GALNT13: variants seen among roughly 807,000 people sequenced by gnomAD.
GALNT13 encodes the protein UDP-GalNAc:polypeptide N-acetylgalactosaminyltransferase 13.
Under a neutral mutation model 64.2 loss-of-function variants are expected in GALNT13, and 28 were observed. That is an observed-to-expected ratio of 0.44 (90% CI 0.32 to 0.60). The LOEUF is 0.60. Ranked by LOEUF, GALNT13 falls within the 20% of genes least tolerant of loss-of-function variation. GALNT13 has a pLI of 0.05. For missense variants in GALNT13, 577 were observed against 669.8 expected (o/e 0.86, Z 1.53); for synonymous variants, 214 against 224.6 (o/e 0.95, Z 0.42).
At chr2:153,414,298 C>T in the GALNT13 span, among the ~76,000 whole-genome samples, 54 of 151,800 alleles carry the variant, frequency 3.6e-4, 1 homozygote, top group African/African-American at 1.2e-3. Context: ...TTGCTTGAAG[C>T]TGGGAGGTGG....
At chr2:153,668,897 C>A in the GALNT13 span, among the ~76,000 whole-genome samples, 3 of 152,152 alleles carry the variant, frequency 2.0e-5, no homozygotes, top group Non-Finnish European at 2.9e-5. Flanking sequence ...ACCTATCCAC[C>A]AAGTCTCACC....
chr2:154,022,755 T>C (rs908780173), intron 3 of GALNT13, among the ~76,000 whole-genome samples: 2 of 152,184 alleles, frequency 1.3e-5, no homozygotes, highest in South Asian at 2.1e-4. Flanking sequence ...ATGTGTTTGC[T>C]CTTGCTTTTC....
the GALNT13 span, among the ~76,000 whole-genome samples, chr2:153,712,790 T>C: frequency 4.6e-5 from 7 of 152,338 alleles, no homozygotes; most frequent in East Asian, 1.9e-4. Flanking sequence ...AAAGCCATCA[T>C]TGGAGCAGGT....
intron 4 of GALNT13, among the ~76,000 whole-genome samples, chr2:154,222,168 A>G (rs1274826277): frequency 1.3e-5 from 2 of 152,104 alleles, no homozygotes; most frequent in Non-Finnish European, 2.9e-5. Context: ...CACTCTCCTT[A>G]GGAAAGAAAG....
At chr2:153,979,070 G>A (rs1008972084) in intron 3 of GALNT13, among the ~76,000 whole-genome samples, 4 of 151,972 alleles carry the variant, frequency 2.6e-5, no homozygotes, top group Admixed American at 1.3e-4. Context: ...TAATATATAA[G>A]AAACACTCTG....
intron 3 of GALNT13, among the ~76,000 whole-genome samples, chr2:153,958,484 C>T (rs952433168): frequency 6.6e-6 from 1 of 152,140 alleles, no homozygotes; most frequent in Non-Finnish European, 1.5e-5. Flanking sequence ...CACTTTGTGT[C>T]GAACGCAAAT....
At chr2:154,218,273 G>T (rs1688148971) in intron 4 of GALNT13, among the ~76,000 whole-genome samples, 1 of 152,004 alleles carries the variant, frequency 6.6e-6, no homozygotes, top group Non-Finnish European at 1.5e-5. Context: ...ATATATCCTA[G>T]AATCAGCCTT....
chr2:153,926,920 A>G (rs1690179533), intron 2 of GALNT13, among the ~76,000 whole-genome samples: 1 of 152,168 alleles, frequency 6.6e-6, no homozygotes, highest in Admixed American at 6.6e-5. Context: ...GAGAAGCACA[A>G]TGAAAATTCC....
chr2:154,073,825 C>T (rs553734649), intron 3 of GALNT13, among the ~76,000 whole-genome samples: 1 of 151,824 alleles, frequency 6.6e-6, no homozygotes, highest in South Asian at 2.1e-4. Flanking sequence ...GAATACTATT[C>T]CAATTTCTAA....
the GALNT13 span, among the ~76,000 whole-genome samples, chr2:153,320,190 ACTTTT>A: frequency 6.6e-6 from 1 of 152,114 alleles, no homozygotes; most frequent in Non-Finnish European, 1.5e-5. Context: ...AAAAAGTGAC[ACTTTT>A]CTTTACGTAG....
At chr2:153,231,967 T>A in the GALNT13 span, among the ~76,000 whole-genome samples, 1 of 152,142 alleles carries the variant, frequency 6.6e-6, no homozygotes, top group Non-Finnish European at 1.5e-5. Context: ...GCCTTCTTAT[T>A]TTTTGTGGTG....
At chr2:154,213,455 GA>G (rs1319677466) in intron 4 of GALNT13, among the ~76,000 whole-genome samples, 1 of 152,102 alleles carries the variant, frequency 6.6e-6, no homozygotes, top group African/African-American at 2.4e-5. Flanking sequence ...CAGACTAATG[GA>G]AAGCAGATTG....
At chr2:153,594,762 T>C in the GALNT13 span, among the ~76,000 whole-genome samples, 1 of 152,144 alleles carries the variant, frequency 6.6e-6, no homozygotes, top group Non-Finnish European at 1.5e-5. Flanking sequence ...GTAAACACAA[T>C]AGTTTTACAA....
the GALNT13 span, among the ~76,000 whole-genome samples, chr2:153,086,154 G>T: frequency 1.3e-5 from 2 of 152,160 alleles, no homozygotes; most frequent in African/African-American, 4.8e-5. Context: ...TATTGTATCT[G>T]GGAAGTAACT....
At chr2:153,597,103 G>A in the GALNT13 span, among the ~76,000 whole-genome samples, 80,390 of 151,930 alleles carry the variant, frequency 0.53, 23,796 homozygotes, top group African/African-American at 0.81. Flanking sequence ...TTTTACAAAA[G>A]GTTTCTAGGC....
At chr2:154,081,282 A>G (rs575380297) in intron 3 of GALNT13, among the ~76,000 whole-genome samples, 2 of 151,698 alleles carry the variant, frequency 1.3e-5, no homozygotes, top group Middle Eastern at 3.4e-3. Context: ...AAACACCACA[A>G]TATTGACATG....
chr2:153,682,242 A>T, the GALNT13 span, among the ~76,000 whole-genome samples: 1 of 151,046 alleles, frequency 6.6e-6, no homozygotes, highest in Non-Finnish European at 1.5e-5. Context: ...AAGGGTTACA[A>T]CTCCCTTTTT....
chr2:153,955,204 GT>G (rs2105412515), intron 3 of GALNT13, among the ~76,000 whole-genome samples: 1 of 152,194 alleles, frequency 6.6e-6, no homozygotes, highest in East Asian at 1.9e-4. Flanking sequence ...TGAAACACCA[GT>G]TTTTCCCCAA....
At chr2:153,862,268 T>C in the GALNT13 span, among the ~76,000 whole-genome samples, 3 of 152,282 alleles carry the variant, frequency 2.0e-5, no homozygotes, top group Admixed American at 1.3e-4. Flanking sequence ...AAGGTGTCAG[T>C]CAAGTTGATA....
Sources: gnomAD v4.1 joint callset for allele counts (sites outside exome capture counted in the v4.1 genomes callset) on GRCh38, gnomAD v4.1.1 for gene constraint, MANE v1.5 for transcripts, NCBI Gene and HGNC (gene_info 2026-07-23, HGNC 2026-07-21) for gene names.